PGR: variants seen among roughly 807,000 people sequenced by gnomAD.
PGR encodes the protein nuclear receptor subfamily 3 group C member 3.
Under a neutral mutation model 76.1 loss-of-function variants are expected in PGR, and 25 were observed. The observed-to-expected ratio is 0.33, with a 90% CI of 0.24 to 0.46. The LOEUF is 0.46. Among genes scored for constraint, PGR ranks in the 20% least tolerant of loss-of-function variants. PGR has a pLI of 1.00. For missense variants in PGR, 1,172 were observed against 1,225.3 expected, an observed-to-expected ratio of 0.96 and a Z score of 0.65; for synonymous variants, 579 against 535.0, an observed-to-expected ratio of 1.08 and a Z score of -1.14.
intron 4 of PGR, among the ~76,000 whole-genome samples, chr11:101,060,192 C>CGT (rs35939398): frequency 8.0e-4 from 121 of 150,790 alleles, no homozygotes; most frequent in East Asian, 7.8e-3. Flanking sequence ...TGTGTGTGTG[C>CGT]GTGTGTGTGT....
At chr11:101,058,613 G>A (rs1860375620) in intron 4 of PGR, among the ~76,000 whole-genome samples, 1 of 152,140 alleles carries the variant, frequency 6.6e-6, no homozygotes, top group African/African-American at 2.4e-5. Flanking sequence ...TTTTCACTAA[G>A]TTAACTGAAA....
At chr11:101,068,258 A>G (rs1471337916) in intron 3 of PGR, among the ~76,000 whole-genome samples, 1 of 152,106 alleles carries the variant, frequency 6.6e-6, no homozygotes, top group African/African-American at 2.4e-5. Context: ...TCATGAGTGA[A>G]CTCCCATTCA....
intron 7 of PGR, among the ~76,000 whole-genome samples, chr11:101,041,460 C>T (rs1455146602): frequency 1.3e-5 from 2 of 151,974 alleles, no homozygotes; most frequent in Admixed American, 6.6e-5. Context: ...ATGTATATTA[C>T]ATTTGTCTAA....
chr11:101,060,955 C>T (rs1355534553), intron 4 of PGR, among the ~76,000 whole-genome samples: 1 of 152,114 alleles, frequency 6.6e-6, no homozygotes, highest in Admixed American at 6.5e-5. Flanking sequence ...AATAAGTCAT[C>T]TTTTCAAGTA....
chr11:101,065,826 T>A (rs562416244), intron 3 of PGR, among the ~76,000 whole-genome samples: 1 of 151,966 alleles, frequency 6.6e-6, no homozygotes, highest in South Asian at 2.1e-4. Context: ...GGTGGCTGAA[T>A]AGTTGTCTCT....
chr11:101,043,366 C>T (rs1859759403), intron 6 of PGR, among the ~76,000 whole-genome samples: 1 of 152,174 alleles, frequency 6.6e-6, no homozygotes, highest in Admixed American at 6.5e-5. Context: ...TCAGGCTTTA[C>T]TTCTAATTTT....
rs1859368172 is a variant in PGR, at chr11:101,031,981, C to T, written c.*7135G>A. 8.6e-6 allele frequency: 2 copies of T among 232,456 alleles called. No individual in the cohort carries two copies. Among genetic ancestry groups the T allele is most frequent in the Non-Finnish European group, 8.5e-6 (1 of 117,634 alleles). The allele number at this position is 232,456 out of a possible 1,614,324, so 14.4% of individuals were successfully genotyped here. On this transcript the variant is annotated 3_prime_UTR_variant, in exon 8 of 8. Transcript: ENST00000325455. Reference sequence around the variant, plus strand: ...TGGACTTTGAGGTTGGACAGACATGCAAAGGTAGGGATATAGGTGGAGTGG... The same window carrying T: ...TGGACTTTGAGGTTGGACAGACATGTAAAGGTAGGGATATAGGTGGAGTGG...
At chr11:101,096,513 T>G (rs1435379452) in intron 2 of PGR, among the ~76,000 whole-genome samples, 1 of 152,200 alleles carries the variant, frequency 6.6e-6, no homozygotes, top group South Asian at 2.1e-4. Context: ...TGAACCATAA[T>G]GCATGGCCAG....
At position 101,127,423 on chromosome 11, in the gene PGR, C is replaced by A; in HGVS notation, c.1637+11G>T. ...CGGACGCGCTGGGCGTGCCCCGTCC[C>A]GGGCCCTCACCTCAGGTAGTTGAGA... is the stretch of plus-strand genomic sequence containing the variant. On this transcript the variant is annotated intron_variant, in intron 1 of 7. Transcript: ENST00000325455. The A allele has an allele frequency of 6.5e-7, 1 of 1,532,822 alleles. No individual in the cohort carries two copies. Among genetic ancestry groups the A allele is most frequent in the East Asian group, 2.6e-5 (1 of 38,240 alleles). The allele number at this position is 1,532,822 out of a possible 1,614,324, so 95.0% of individuals were successfully genotyped here. A position where few individuals can be genotyped will look rare whatever the true frequency, so the allele number is the denominator to read the frequency against.
intron 2 of PGR, among the ~76,000 whole-genome samples, chr11:101,124,772 TATCA>T (rs1338267208): frequency 6.6e-6 from 1 of 152,136 alleles, no homozygotes; most frequent in Non-Finnish European, 1.5e-5. Context: ...TAAGAGCCAC[TATCA>T]GTTGCCCTAT....
chr11:101,106,158 T>C (rs1428806347), intron 2 of PGR, among the ~76,000 whole-genome samples: 2 of 152,154 alleles, frequency 1.3e-5, no homozygotes, highest in Non-Finnish European at 1.5e-5. Context: ...ATTCAGGAGA[T>C]AGGTGTAGGC....
At chr11:101,112,135 T>G (rs1862363596) in intron 2 of PGR, among the ~76,000 whole-genome samples, 1 of 152,158 alleles carries the variant, frequency 6.6e-6, no homozygotes, top group African/African-American at 2.4e-5. Flanking sequence ...AAGAGAAGTT[T>G]TGGTGGAGTG....
At chr11:101,064,851 T>G (rs1860657683) in intron 3 of PGR, among the ~76,000 whole-genome samples, 1 of 152,186 alleles carries the variant, frequency 6.6e-6, no homozygotes, top group Admixed American at 6.5e-5. Context: ...AAGATAGTAT[T>G]TTTTACTGTA....
intron 2 of PGR, among the ~76,000 whole-genome samples, chr11:101,105,365 T>C (rs1401535343): frequency 6.6e-6 from 1 of 152,084 alleles, no homozygotes; most frequent in Non-Finnish European, 1.5e-5. Context: ...ACCACTGCAA[T>C]ACATCCGAAG....
rs1862993804 is a variant in PGR at position 101,128,831 on chromosome 11, C to T, written c.240G>A (p.Leu80=). 1.9e-6 allele frequency: 3 copies of T among 1,614,086 alleles called. No homozygotes were observed. The highest frequency in any genetic ancestry group is 1.3e-5 in the African/African-American group (1 of 74,960). Residue 80 remains leucine, a synonymous_variant, in exon 1 of 8, where the codon CTG becomes CTA. Transcript: ENST00000325455. The stretch of plus-strand genomic sequence containing the variant: ...TGGAATATGCGCCCTCCACGTCCGA[C>T]AGCGACTGCTGGTCCTGCGTCTTTT... ...SDEKTQDQQS[L]SDVEGAYSRA...
At chr11:101,082,834 AT>A (rs1300480638) in intron 3 of PGR, among the ~76,000 whole-genome samples, 1 of 152,350 alleles carries the variant, frequency 6.6e-6, no homozygotes, top group Admixed American at 6.5e-5. Context: ...ATATTGGAAT[AT>A]TTGTAGCCTG....
At chr11:101,064,952 C>T (rs560582568) in intron 3 of PGR, among the ~76,000 whole-genome samples, 1 of 152,178 alleles carries the variant, frequency 6.6e-6, no homozygotes, top group Non-Finnish European at 1.5e-5. Context: ...CATGCTGTAT[C>T]GGTTTGTAGC....
intron 4 of PGR, among the ~76,000 whole-genome samples, chr11:101,061,291 G>A (rs475352): frequency 0.99 from 150,877 of 152,278 alleles, 74,752 homozygotes; most frequent in East Asian, 1. Context: ...ACTGAAGCCA[G>A]TAAGAATCTG....
intron 2 of PGR, among the ~76,000 whole-genome samples, chr11:101,112,665 G>A (rs1193400875): frequency 6.6e-6 from 1 of 152,150 alleles, no homozygotes; most frequent in African/African-American, 2.4e-5. Context: ...ACTGTCTGCA[G>A]GGCAGATTAT....
Sources: allele counts gnomAD v4.1 joint callset (sites outside exome capture counted in the v4.1 genomes callset), GRCh38; gene constraint gnomAD v4.1.1; transcripts MANE v1.5; gene names NCBI Gene and HGNC (gene_info 2026-07-23, HGNC 2026-07-21).